IQSEC1: variants seen among roughly 807,000 people sequenced by gnomAD.
IQSEC1 encodes the protein IQ motif and SEC7 domain-containing protein 1.
Under a neutral mutation model 91.0 loss-of-function variants are expected in IQSEC1, and 31 were observed. The observed-to-expected ratio is 0.34, with a 90% CI of 0.26 to 0.46. The LOEUF (loss-of-function observed/expected upper bound fraction) is 0.46, where lower values mean the gene tolerates loss of function less well. Among genes scored for constraint, IQSEC1 ranks in the 20% least tolerant of loss-of-function variants. The pLI, the probability that IQSEC1 is intolerant of heterozygous loss-of-function variation, is 1.00. For synonymous variants in IQSEC1, 699 were observed against 662.6 expected (o/e 1.05, Z -0.84); for missense variants, 1,388 against 1,575.6 (o/e 0.88, Z 2.02).
intron 1 of IQSEC1, among the ~76,000 whole-genome samples, chr3:13,065,124 T>G (rs1049016948): frequency 7.9e-5 from 12 of 152,234 alleles, no homozygotes; most frequent in African/African-American, 2.9e-4. Flanking sequence ...GGGCTTCCCA[T>G]GGAAGGAGAC....
intron 2 of IQSEC1, among the ~76,000 whole-genome samples, chr3:13,113,145 C>T (rs1270851449): frequency 1.3e-5 from 2 of 152,096 alleles, no homozygotes; most frequent in African/African-American, 4.8e-5. Flanking sequence ...CCAGAGAGGG[C>T]AAGTAATCAG....
intron 1 of IQSEC1, among the ~76,000 whole-genome samples, chr3:13,238,150 G>A (rs946450691): frequency 2.6e-5 from 4 of 152,152 alleles, no homozygotes; most frequent in South Asian, 2.1e-4. Flanking sequence ...GCACCTCCAC[G>A]TGCCCATCTG....
In IQSEC1 at chr3:12,936,685, C is replaced by A; in HGVS notation, c.331G>T (p.Glu111Ter). 1 of 1,578,818 alleles carries A rather than the reference C, an allele frequency of 6.3e-7. No homozygotes were observed. Among genetic ancestry groups the A allele is most frequent in the Non-Finnish European group, 8.6e-7 (1 of 1,161,302 alleles). ...ACCAGGCGCCCCCCATACTTTCGTT[C>A]TAGCATCTCCACCTGCGGGTGGGAG... ...DLQDKQVEMLERKYGGRLVTR... is the reference protein window; with the variant it reads ...DLQDKQVEML Residue 111 changes from glutamate to a stop codon, truncating the protein, a stop_gained, in exon 3 of 14, where the codon GAA becomes TAA. Transcript: ENST00000613206. LOFTEE classifies it high-confidence loss of function.
intron 1 of IQSEC1, among the ~76,000 whole-genome samples, chr3:13,242,110 G>T (rs1695030983): frequency 6.6e-6 from 1 of 152,202 alleles, no homozygotes; most frequent in African/African-American, 2.4e-5. Flanking sequence ...TGACAGCAGA[G>T]ACCGTGCCAC....
chr3:13,017,015 A>C (rs1703165221), intron 1 of IQSEC1, among the ~76,000 whole-genome samples: 1 of 152,180 alleles, frequency 6.6e-6, no homozygotes, highest in Non-Finnish European at 1.5e-5. Context: ...ACTTAGCATG[A>C]TGTCCTCAAG....
At chr3:13,131,037 A>G (rs758565437) in intron 2 of IQSEC1, among the ~76,000 whole-genome samples, 23 of 143,790 alleles carry the variant, frequency 1.6e-4, no homozygotes, top group Admixed American at 6.9e-5. Flanking sequence ...GGAAGGAAGG[A>G]AAGGAAGGAA....
chr3:13,026,864 G>GCTTTT lies in IQSEC1; in HGVS notation c.23+46127_23+46128insAAAAG, dbSNP rs370534423. The stretch of plus-strand genomic sequence containing the variant: ...TGAAGTAGCAGTTATTATCTCCCCA[G>GCTTTT]TTTTTTTTTTTTTTGTTTGTTTTTT... On this transcript the variant is annotated intron_variant, in intron 1 of 13. Transcript: ENST00000613206. Among the ~76,000 whole-genome samples the GCTTTT allele has an allele frequency of 2.4e-4, 22 of 90,860 alleles. 4 individuals carry two copies. The highest frequency in any genetic ancestry group is 4.4e-4 in the African/African-American group (13 of 29,814). The allele number at this position is 90,860 out of a possible 152,430, so 59.6% of individuals were successfully genotyped here. A position where few individuals can be genotyped will look rare whatever the true frequency, so the allele number is the denominator to read the frequency against.
chr3:12,915,911 C>T (rs1696040151), intron 6 of IQSEC1, among the ~76,000 whole-genome samples, 178 bp from the exon 7 acceptor site: 1 of 152,194 alleles, frequency 6.6e-6, no homozygotes, highest in South Asian at 2.1e-4. Flanking sequence ...AGTCCTCCTA[C>T]CAGAACGGGC....
At chr3:13,057,753 C>G (rs1387842904) in intron 1 of IQSEC1, among the ~76,000 whole-genome samples, 2 of 152,244 alleles carry the variant, frequency 1.3e-5, no homozygotes, top group Non-Finnish European at 2.9e-5. Context: ...TCCAATGCTC[C>G]TCCATCCTGC....
At chr3:13,021,540 T>A (rs1703398941) in intron 1 of IQSEC1, among the ~76,000 whole-genome samples, 1 of 152,202 alleles carries the variant, frequency 6.6e-6, no homozygotes, top group South Asian at 2.1e-4. Flanking sequence ...GTGAAGCCGC[T>A]TCACACCACT....
In IQSEC1 at chr3:13,073,176, T is replaced by TGGGGGGGGG; in HGVS notation, c.-163_-162insCCCCCCCCC. ...GGGTGGCGGGCTCCTCCAGGGAGGC[T>TGGGGGGGGG]GGGGCGGGAGCGGGGGGCGGCGCCA... On this transcript the variant is annotated 5_prime_UTR_variant, in exon 1 of 14. Coordinates refer to ENST00000613206, the MANE Select transcript of IQSEC1 (RefSeq NM_001134382.3). The TGGGGGGGGG allele has an allele frequency of 2.4e-6, 1 of 416,048 alleles. No individual in the cohort carries two copies. The allele number at this position is 416,048 out of a possible 1,614,324, so 25.8% of individuals were successfully genotyped here. A position where few individuals can be genotyped will look rare whatever the true frequency, so the allele number is the denominator to read the frequency against.
intron 1 of IQSEC1, among the ~76,000 whole-genome samples, chr3:13,056,942 T>C (rs1039615477): frequency 6.6e-6 from 1 of 152,156 alleles, no homozygotes; most frequent in Admixed American, 6.5e-5. Flanking sequence ...AGGCACACAA[T>C]GCATACCTGT....
chr3:13,077,168 A>G (rs1406528713), upstream of IQSEC1, among the ~76,000 whole-genome samples: 2 of 152,104 alleles, frequency 1.3e-5, no homozygotes, highest in African/African-American at 4.8e-5. Flanking sequence ...CTGGGACTAT[A>G]GGCATGCACC....
rs753199634 is a variant in IQSEC1 at position 13,227,375 on chromosome 3, CAAAAAAAAAAAA to C, written c.272+55324_272+55335del. ...TGGGCGACAAAGCGGGACTCTGTCT[CAAAAAAAAAAAA>C]AAAAAAAAAGAAAGAAAGAAAAGAA... On this transcript the variant is annotated intron_variant, in intron 1 of 15. Coordinates refer to the IQSEC1 transcript ENST00000648114. Among the ~76,000 whole-genome samples, 254 of 70,064 alleles carry C rather than the reference CAAAAAAAAAAAA, an allele frequency of 3.6e-3. 2 individuals are homozygous for C. The highest frequency in any genetic ancestry group is 0.015 in the African/African-American group (239 of 15,578). 46.0% of individuals were successfully genotyped at this position (70,064 alleles called of 152,430 possible).
chr3:12,955,857 G>T (rs554800604), intron 1 of IQSEC1, among the ~76,000 whole-genome samples: 2 of 152,276 alleles, frequency 1.3e-5, no homozygotes, highest in South Asian at 4.1e-4. Flanking sequence ...CGGACTGCAC[G>T]GAGCTCTCTG....
chr3:13,242,511 C>T (rs1289746413), intron 1 of IQSEC1, among the ~76,000 whole-genome samples: 1 of 152,222 alleles, frequency 6.6e-6, no homozygotes, highest in Non-Finnish European at 1.5e-5. Context: ...ATTAGCGGCA[C>T]CCATGCAGGC....
chr3:13,129,525 T>C (rs1706571515), intron 2 of IQSEC1, among the ~76,000 whole-genome samples: 1 of 152,176 alleles, frequency 6.6e-6, no homozygotes, highest in South Asian at 2.1e-4. Context: ...TTTAATTTGT[T>C]CTTAAAAACA....
chr3:13,168,505 T>C (rs558386645), intron 1 of IQSEC1, among the ~76,000 whole-genome samples: 17 of 152,168 alleles, frequency 1.1e-4, no homozygotes, highest in African/African-American at 3.6e-4. Flanking sequence ...CCAAATCAGG[T>C]TCCTCTACCT....
intron 1 of IQSEC1, among the ~76,000 whole-genome samples, chr3:13,206,197 C>CCCTCCATCCACCCATCCACT (rs1379421219): frequency 1.3e-4 from 20 of 152,030 alleles, no homozygotes; most frequent in Admixed American, 1.3e-3. Flanking sequence ...ACCCATCCAC[C>CCCTCCATCCACCCATCCACT]CCTCCATCCA....
Sources: gnomAD v4.1 joint callset for allele counts (sites outside exome capture counted in the v4.1 genomes callset) on GRCh38, gnomAD v4.1.1 for gene constraint, MANE v1.5 for transcripts, NCBI Gene and HGNC (gene_info 2026-07-23, HGNC 2026-07-21) for gene names.